The following ADH5 variants were observed in gnomAD, a reference collection of about 807,000 sequenced individuals.
ADH5 encodes alcohol dehydrogenase 5 (class III), chi polypeptide.
ADH5 carries 32 observed loss-of-function variants against 40.3 expected under a neutral mutation model. The ratio of observed to expected loss-of-function variants is 0.79; its 90% CI spans 0.60 to 1.07. The LOEUF (loss-of-function observed/expected upper bound fraction) is 1.07, where lower values mean the gene tolerates loss of function less well. Among genes scored for constraint, ADH5 ranks in the 50% least tolerant of loss-of-function variants. The pLI is 0.00. For missense variants in ADH5, 353 were observed against 460.5 expected (o/e 0.77, Z 2.14); for synonymous variants, 125 against 154.3 (o/e 0.81, Z 1.41).
At position 99,081,677 on chromosome 4, in the gene ADH5, T is replaced by G; in HGVS notation, c.257-225A>C. ...TCTTTAAACAATAACTGAAGAACAA[T>G]GAAGTTATATGCTTCAAAATCCTGC... On this transcript the variant is annotated intron_variant, in intron 3 of 8. Coordinates refer to ENST00000296412, the MANE Select transcript of ADH5 (RefSeq NM_000671.4). 5.4e-6 allele frequency: 3 copies of G among 560,472 alleles called. No individual in the cohort carries two copies. In the Middle Eastern group the frequency reaches 9.2e-4, roughly 173 times the overall value. 34.7% of individuals were successfully genotyped at this position (560,472 alleles called of 1,614,324 possible).
At chr4:99,087,343 T>C (rs1154406) in intron 1 of ADH5, among the ~76,000 whole-genome samples, 118,173 of 147,864 alleles carry the variant, frequency 0.8, 47,424 homozygotes, top group East Asian at 1. Flanking sequence ...GATCGCGCTA[T>C]CGCACTCCAG....
Position 99,072,630 on chromosome 4 carries a change from TG to T in ADH5, c.1042del (p.His348ThrfsTer14). Reference protein sequence around the residue: ...KKIKVDEFVTHNLSFDEINKA... With the variant: ...KKIKVDEFVTXNLSFDEINKA... The stretch of plus-strand genomic sequence containing the variant: ...GTTGATTTCATCAAAAGACAGATTG[TG>T]AGTCACAAATTCATCAACTTTTATC... On this transcript the variant is annotated frameshift_variant, in exon 8 of 9. Coordinates refer to ENST00000296412, the MANE Select transcript of ADH5 (RefSeq NM_000671.4). LOFTEE classifies it high-confidence loss of function. 1.9e-6 allele frequency: 3 copies of T among 1,613,824 alleles called. No individual in the cohort carries two copies. Among genetic ancestry groups the T allele is most frequent in the Non-Finnish European group, 2.5e-6 (3 of 1,179,806 alleles).
intron 4 of ADH5, among the ~76,000 whole-genome samples, chr4:99,078,928 T>C (rs1268645332): frequency 6.6e-6 from 1 of 152,226 alleles, no homozygotes; most frequent in Non-Finnish European, 1.5e-5. Flanking sequence ...CCTTTCAAAG[T>C]GATTAGATTT....
At chr4:99,078,485 C>T (rs1238489181) in intron 4 of ADH5, among the ~76,000 whole-genome samples, 1 of 152,122 alleles carries the variant, frequency 6.6e-6, no homozygotes. Flanking sequence ...CTCACTGCAA[C>T]CTCAACCTCC....
At chr4:99,086,894 C>G (rs532491186) in intron 1 of ADH5, among the ~76,000 whole-genome samples, 2 of 126,144 alleles carry the variant, frequency 1.6e-5, no homozygotes, top group East Asian at 4.8e-4. Context: ...GAGCCGAGAT[C>G]GCGCCACTGC....
intron 1 of ADH5, 123 bp from the exon 2 acceptor site, chr4:99,085,339 T>C (rs1728113073): frequency 6.7e-6 from 3 of 448,916 alleles, no homozygotes; most frequent in Non-Finnish European, 1.2e-5. Context: ...CAAAGAAACA[T>C]ATGCTTCCAA....
chr4:99,073,583 C>T (rs1215604559), intron 7 of ADH5, among the ~76,000 whole-genome samples: 7 of 152,222 alleles, frequency 4.6e-5, no homozygotes, highest in African/African-American at 1.7e-4. Context: ...ATGCTTTCAA[C>T]GATATTTCAA....
chr4:99,079,147 G>A (rs1241156348), intron 4 of ADH5, among the ~76,000 whole-genome samples: 1 of 152,180 alleles, frequency 6.6e-6, no homozygotes, highest in Non-Finnish European at 1.5e-5. Flanking sequence ...ATAATCTCAA[G>A]AAAATGCTCA....
chr4:99,085,436 T>G (rs1728116366), intron 1 of ADH5: 1 of 399,196 alleles, frequency 2.5e-6, no homozygotes, highest in African/African-American at 2.0e-5. Flanking sequence ...AAAAGTATCT[T>G]TTGGTTAAAA....
intron 1 of ADH5, 67 bp downstream of exon 1, chr4:99,088,622 A>G: frequency 6.8e-7 from 1 of 1,465,674 alleles, no homozygotes; most frequent in Non-Finnish European, 9.1e-7. Context: ...CCCCGAGGAT[A>G]GCAGCCTAGT....
At position 99,082,117 on chromosome 4, in the gene ADH5, C is replaced by T. The variant is rs1242614301; in HGVS notation, c.115-1G>A. ...TGTGGCAAACCGCAGTGGCAATGAT[C>T]TATCAGGACATTAAAACAACGAATG... On this transcript the variant is annotated splice_acceptor_variant, in intron 2 of 8. Coordinates refer to ENST00000296412, the MANE Select transcript of ADH5 (RefSeq NM_000671.4). LOFTEE classifies it high-confidence loss of function. The T allele has an allele frequency of 6.2e-7, 1 of 1,613,376 alleles. No homozygotes were observed. Among genetic ancestry groups the T allele is most frequent in the East Asian group, 2.2e-5 (1 of 44,894 alleles).
chr4:99,081,431 T>A lies in ADH5; in HGVS notation c.278A>T (p.Tyr93Phe). 6.2e-7 allele frequency: 1 copy of A among 1,609,424 alleles called. No individual in the cohort carries two copies. Among genetic ancestry groups the A allele is most frequent in the Non-Finnish European group, 8.5e-7 (1 of 1,177,534 alleles). Reference protein sequence around the residue: ...LKAGDTVIPLYIPQCGECKFC... With the variant: ...LKAGDTVIPLFIPQCGECKFC... Reference sequence around the variant, plus strand: ...TTTGCATTCTCCACACTGTGGGATGTAAAGTGGGATGACAGTGTCACCTGG... The same window carrying A: ...TTTGCATTCTCCACACTGTGGGATGAAAAGTGGGATGACAGTGTCACCTGG... Residue 93 changes from tyrosine (Y) to phenylalanine (F), a missense_variant, in exon 4 of 9, where the codon TAC becomes TTC. Tyr to Phe is a conservative substitution (Grantham distance 22, BLOSUM62 3). Coordinates refer to ENST00000296412, the MANE Select transcript of ADH5 (RefSeq NM_000671.4).
chr4:99,076,605 C>T, intron 5 of ADH5, 53 bp from the exon 6 acceptor site: 1 of 1,594,034 alleles, frequency 6.3e-7, no homozygotes, highest in Admixed American at 1.7e-5. Context: ...TCAAGAGAAT[C>T]ACTGGGTTTC....
chr4:99,080,320 AT>A (rs1460857573), intron 4 of ADH5: 1 of 205,990 alleles, frequency 4.9e-6, no homozygotes, highest in Non-Finnish European at 9.7e-6. Context: ...AAATTTCCAG[AT>A]TATGACAAAC....
At chr4:99,072,789 T>G (rs1727858077) in intron 7 of ADH5, 78 bp from the exon 8 acceptor site, 1 of 1,371,476 alleles carries the variant, frequency 7.3e-7, no homozygotes, top group Non-Finnish European at 1.0e-6. Context: ...AAAAGGCATT[T>G]AAAAGAATGA....
chr4:99,083,654 C>G (rs1159754036), intron 2 of ADH5, among the ~76,000 whole-genome samples: 1 of 146,662 alleles, frequency 6.8e-6, no homozygotes, highest in Non-Finnish European at 1.5e-5. Flanking sequence ...TGGTCCTGGT[C>G]TGCTCCACCT....
intron 2 of ADH5, 104 bp from the exon 3 acceptor site, chr4:99,082,220 T>C (rs1197088173): frequency 1.7e-6 from 2 of 1,161,704 alleles, no homozygotes; most frequent in African/African-American, 1.5e-5. Flanking sequence ...TTTCATTGAC[T>C]CTAAGACACA....
chr4:99,083,617 A>G (rs1216105477), intron 2 of ADH5, among the ~76,000 whole-genome samples: 1 of 150,658 alleles, frequency 6.6e-6, no homozygotes, highest in Non-Finnish European at 1.5e-5. Context: ...AAAAAAAAAA[A>G]AAAAAAAAAG....
At position 99,082,714 on chromosome 4, in the gene ADH5, T is replaced by C. The variant is rs968520486; in HGVS notation, c.115-598A>G. On this transcript the variant is annotated intron_variant, in intron 2 of 8. Coordinates refer to ENST00000296412, the MANE Select transcript of ADH5 (RefSeq NM_000671.4). ...TTTTTGGGACAAGAGTCTCGCTCTATCACCCAGGCTGGAGTGCAGTGGCAT... is the reference window on the plus strand; with the variant it reads ...TTTTTGGGACAAGAGTCTCGCTCTACCACCCAGGCTGGAGTGCAGTGGCAT... Among the ~76,000 whole-genome samples the C allele has an allele frequency of 4.6e-5, 7 of 152,204 alleles. No individual in the cohort carries two copies. In the East Asian group the frequency reaches 1.2e-3, roughly 25 times the overall value.
Sources: allele counts gnomAD v4.1 joint callset (sites outside exome capture counted in the v4.1 genomes callset), GRCh38; gene constraint gnomAD v4.1.1; transcripts MANE v1.5; gene names NCBI Gene and HGNC (gene_info 2026-07-23, HGNC 2026-07-21).